CFAP54: variants seen among roughly 807,000 people sequenced by gnomAD.
CFAP54 encodes the protein cilia- and flagella-associated protein 54.
A neutral mutation model predicts 370.4 loss-of-function variants in CFAP54; 290 were observed. The ratio of observed to expected loss-of-function variants is 0.78; its 90% CI spans 0.71 to 0.86. The LOEUF is 0.86. CFAP54 is among the 40% of genes least tolerant of loss of function. The pLI, the probability that CFAP54 is intolerant of heterozygous loss-of-function variation, is 0.00. For synonymous variants in CFAP54, 1,206 were observed against 1,236.5 expected (o/e 0.98, Z 0.52); for missense variants, 3,399 against 3,528.7 (o/e 0.96, Z 0.93).
At chr12:96,739,766 G>T (rs375096706) in intron 50 of CFAP54, among the ~76,000 whole-genome samples, 190 bp from the exon 51 acceptor site, 19 of 152,252 alleles carry the variant, frequency 1.2e-4, no homozygotes, top group African/African-American at 4.6e-4. Flanking sequence ...CTCAGGCAAT[G>T]AAATATGACA....
chr12:96,506,589 C>T (rs1236829678), intron 3 of CFAP54, among the ~76,000 whole-genome samples: 15 of 130,870 alleles, frequency 1.1e-4, no homozygotes, highest in Admixed American at 2.4e-4. Context: ...CTTTTCTTTT[C>T]TTTTTTTTTT....
chr12:96,522,262 A>T, intron 8 of CFAP54, 73 bp downstream of exon 8: 2 of 988,794 alleles, frequency 2.0e-6, no homozygotes, highest in Non-Finnish European at 2.9e-6. Flanking sequence ...TATGTCTTTC[A>T]AGCCTAGTCA....
At chr12:96,695,183 C>T (rs942454543) in intron 45 of CFAP54, among the ~76,000 whole-genome samples, 1 of 152,236 alleles carries the variant, frequency 6.6e-6, no homozygotes, top group African/African-American at 2.4e-5. Flanking sequence ...GCACAATCAG[C>T]TCTTGCAAAT....
chr12:96,610,693 A>C (rs1319311699), intron 26 of CFAP54, among the ~76,000 whole-genome samples: 1 of 152,142 alleles, frequency 6.6e-6, no homozygotes, highest in Non-Finnish European at 1.5e-5. Flanking sequence ...CCACCCTAAT[A>C]CTGTGCTTTT....
At chr12:96,751,288 C>A (rs1958180158) in intron 55 of CFAP54, among the ~76,000 whole-genome samples, 1 of 151,982 alleles carries the variant, frequency 6.6e-6, no homozygotes, top group African/African-American at 2.4e-5. Context: ...TACTAGGAAG[C>A]CAGTCCTCAT....
At chr12:96,666,245 T>G (rs1008514335) in intron 39 of CFAP54, among the ~76,000 whole-genome samples, 1 of 152,230 alleles carries the variant, frequency 6.6e-6, no homozygotes, top group African/African-American at 2.4e-5. Context: ...TTTTCCTTAT[T>G]CTGTTTCAAG....
At chr12:96,526,115 T>G (rs1955377857) in intron 8 of CFAP54, among the ~76,000 whole-genome samples, 1 of 152,238 alleles carries the variant, frequency 6.6e-6, no homozygotes, top group African/African-American at 2.4e-5. Context: ...TTTCTGTCTT[T>G]CTGACTTTGC....
intron 5 of CFAP54, among the ~76,000 whole-genome samples, chr12:96,513,647 G>A (rs1955198110): frequency 1.3e-5 from 2 of 152,070 alleles, no homozygotes; most frequent in South Asian, 4.1e-4. Context: ...AGGCTGAGGT[G>A]GGAAGATTGC....
intron 25 of CFAP54, among the ~76,000 whole-genome samples, chr12:96,598,340 T>C (rs1359048178): frequency 6.6e-6 from 1 of 152,062 alleles, no homozygotes; most frequent in Non-Finnish European, 1.5e-5. Flanking sequence ...TTCAAATACA[T>C]GTCACATTCT....
chr12:96,669,901 A>G (rs1223209218), intron 39 of CFAP54, among the ~76,000 whole-genome samples: 2 of 152,140 alleles, frequency 1.3e-5, no homozygotes, highest in African/African-American at 4.8e-5. Context: ...TGGAGCATAA[A>G]CTTGAGGATG....
intron 67 of CFAP54, among the ~76,000 whole-genome samples, chr12:96,867,285 T>C (rs1156614850): frequency 6.6e-6 from 1 of 152,132 alleles, no homozygotes. Context: ...TTCTCTTTAT[T>C]TAAAAAAAAA....
chr12:96,512,788 C>T lies in CFAP54; in HGVS notation c.740-198C>T, dbSNP rs145114565. 9.7e-4 allele frequency among the ~76,000 whole-genome samples: 147 copies of T among 152,116 alleles called. 3 individuals carry two copies. In the East Asian group the frequency reaches 0.023, roughly 24 times the overall value. ...TTCCTGTGTCAACATATTTAAAATACGGCCATGTTAATTATTTTAATGATT... is the reference window on the plus strand; with the variant it reads ...TTCCTGTGTCAACATATTTAAAATATGGCCATGTTAATTATTTTAATGATT... On this transcript the variant is annotated intron_variant, in intron 4 of 67. Transcript: ENST00000524981.
intron 14 of CFAP54, among the ~76,000 whole-genome samples, chr12:96,542,650 C>A (rs1291066801): frequency 6.6e-6 from 1 of 152,142 alleles, no homozygotes; most frequent in African/African-American, 2.4e-5. Flanking sequence ...AATACCACCC[C>A]ACCATGTGTA....
At chr12:96,535,906 G>A (rs1194865927) in intron 12 of CFAP54, among the ~76,000 whole-genome samples, 1 of 152,126 alleles carries the variant, frequency 6.6e-6, no homozygotes, top group Non-Finnish European at 1.5e-5. Context: ...CAATCCATGA[G>A]TACAAAGCCT....
intron 1 of CFAP54, among the ~76,000 whole-genome samples, chr12:96,499,204 C>G (rs1954994541): frequency 6.6e-6 from 1 of 152,080 alleles, no homozygotes; most frequent in Admixed American, 6.6e-5. Context: ...TCTCAAACTC[C>G]TGACCTCAAG....
chr12:96,724,635 C>T (rs1286153719), intron 50 of CFAP54, among the ~76,000 whole-genome samples: 4 of 152,064 alleles, frequency 2.6e-5, no homozygotes, highest in Non-Finnish European at 5.9e-5. Context: ...TGCCTGTTCA[C>T]TCTGATGGTA....
At chr12:96,679,257 G>A (rs1214397299) in intron 39 of CFAP54, among the ~76,000 whole-genome samples, 1 of 152,030 alleles carries the variant, frequency 6.6e-6, no homozygotes, top group Non-Finnish European at 1.5e-5. Flanking sequence ...AGGCACCTTT[G>A]CTTTGAAGAG....
chr12:96,815,493 GCTCTGTAGGTTGCCTGTTCA>G (rs1227601582), intron 64 of CFAP54, among the ~76,000 whole-genome samples: 4 of 151,850 alleles, frequency 2.6e-5, no homozygotes, highest in African/African-American at 9.7e-5. Context: ...ATTTTCTCCC[GCTCTGTAGGTTGCCTGTTCA>G]CTCTGTAGGT....
chr12:96,556,834 T>C (rs529429878), intron 17 of CFAP54, among the ~76,000 whole-genome samples: 4 of 152,238 alleles, frequency 2.6e-5, no homozygotes, highest in African/African-American at 7.2e-5. Flanking sequence ...TTGTCACTTA[T>C]AAGCGAGAGC....
Sources: gnomAD v4.1 joint callset for allele counts (sites outside exome capture counted in the v4.1 genomes callset) on GRCh38, gnomAD v4.1.1 for gene constraint, MANE v1.5 for transcripts, NCBI Gene and HGNC (gene_info 2026-07-23, HGNC 2026-07-21) for gene names.